VAV2: variants seen among roughly 807,000 people sequenced by gnomAD.
VAV2 encodes the protein guanine nucleotide exchange factor VAV2.
Under a neutral mutation model 132.5 loss-of-function variants are expected in VAV2, and 67 were observed. The observed-to-expected ratio is 0.51, with a 90% CI of 0.42 to 0.62. VAV2 has a LOEUF of 0.62. VAV2 is among the 20% of genes least tolerant of loss of function. The pLI, the probability that VAV2 is intolerant of heterozygous loss-of-function variation, is 0.00. For synonymous variants in VAV2, 492 were observed against 443.5 expected, an observed-to-expected ratio of 1.11 and a Z score of -1.37; for missense variants, 938 against 1,153.6, an observed-to-expected ratio of 0.81 and a Z score of 2.71.
Position 133,833,290 on chromosome 9 carries a change from A to G in VAV2, c.449+982T>C, listed in dbSNP as rs1481674216. On this transcript the variant is annotated intron_variant, in intron 4 of 29. Transcript: ENST00000371850. The surrounding 1 kb of genome is among the most constrained non-coding windows in gnomAD (Gnocchi z 5.6). ...CTGGATGTGGGCTGAGCAGTAAGAC[A>G]GGGACAGCCCCAGCATACACAGCAG... is the stretch of plus-strand genomic sequence containing the variant. Among the ~76,000 whole-genome samples, 1 of 152,174 alleles carries G rather than the reference A, an allele frequency of 6.6e-6. No homozygotes were observed. Among genetic ancestry groups the G allele is most frequent in the Non-Finnish European group, 1.5e-5 (1 of 68,022 alleles).
intron 1 of VAV2, among the ~76,000 whole-genome samples, chr9:133,971,968 T>C (rs1003045755): frequency 2.0e-5 from 3 of 152,154 alleles, no homozygotes; most frequent in Non-Finnish European, 2.9e-5. Context: ...GTGGACGGCA[T>C]GGCCCGGATT....
At chr9:133,809,177 C>T (rs1389883368) in intron 6 of VAV2, 39 bp from the exon 7 acceptor site, 4 of 1,578,104 alleles carry the variant, frequency 2.5e-6, no homozygotes, top group East Asian at 4.5e-5. Flanking sequence ...ACCCCATGGG[C>T]CCGGCCACCT....
intron 3 of VAV2, among the ~76,000 whole-genome samples, chr9:133,845,809 G>A (rs1319122527): frequency 6.6e-6 from 1 of 152,262 alleles, no homozygotes; most frequent in East Asian, 1.9e-4. Context: ...GCCCTGGTGA[G>A]ACAGGGATGC....
chr9:133,837,259 A>G (rs1216311802), intron 3 of VAV2, among the ~76,000 whole-genome samples: 2 of 152,188 alleles, frequency 1.3e-5, no homozygotes, highest in Non-Finnish European at 2.9e-5. Context: ...ATTCTCACTC[A>G]GGGCACTTTC....
chr9:133,782,354 G>A (rs1312575612), intron 19 of VAV2, among the ~76,000 whole-genome samples: 1 of 152,072 alleles, frequency 6.6e-6, no homozygotes, highest in Non-Finnish European at 1.5e-5. Flanking sequence ...AGTATTGATG[G>A]GCACAGCTGA....
chr9:133,845,788 T>C (rs745930705), intron 3 of VAV2, among the ~76,000 whole-genome samples: 11 of 152,246 alleles, frequency 7.2e-5, no homozygotes, highest in Non-Finnish European at 1.5e-4. Context: ...AGGTGGCTGA[T>C]GGATTTATCA....
intron 2 of VAV2, among the ~76,000 whole-genome samples, chr9:133,866,410 C>T (rs1034517587): frequency 2.6e-5 from 4 of 152,196 alleles, no homozygotes; most frequent in Non-Finnish European, 4.4e-5. Flanking sequence ...CCAAGCAAAA[C>T]AGCCGTCAAA....
chr9:133,950,708 G>A lies in VAV2; in HGVS notation c.205-11489C>T, dbSNP rs80104408. ...CTCTGAGCAATTAGCCCAGACGCAC[G>A]CCTGCGCCTCGGCCCTCCGGGTTGC... is the stretch of plus-strand genomic sequence containing the variant. On this transcript the variant is annotated intron_variant, in intron 1 of 29. Coordinates refer to ENST00000371850, the MANE Select transcript of VAV2 (RefSeq NM_001134398.2). Among the ~76,000 whole-genome samples, 535 of 152,248 alleles carry A rather than the reference G, an allele frequency of 3.5e-3. 3 individuals carry two copies. The highest frequency in any genetic ancestry group is 0.012 in the African/African-American group (519 of 41,540).
In VAV2 at chr9:133,776,013, C is replaced by T. The variant is rs776855614; in HGVS notation, c.2018+15G>A. 1.2e-6 allele frequency: 2 copies of T among 1,604,610 alleles called. No homozygotes were observed. Among genetic ancestry groups the T allele is most frequent in the Non-Finnish European group, 1.7e-6 (2 of 1,174,094 alleles). On this transcript the variant is annotated intron_variant, in intron 24 of 29. Coordinates refer to ENST00000371850, the MANE Select transcript of VAV2 (RefSeq NM_001134398.2). ...GCCACCAGATGCCCATGTCTGCAGC[C>T]CACGATCCACTCACCAGGGGTATGC...
At chr9:133,923,837 T>C (rs986999306) in intron 2 of VAV2, among the ~76,000 whole-genome samples, 1 of 152,194 alleles carries the variant, frequency 6.6e-6, no homozygotes, top group African/African-American at 2.4e-5. Context: ...TCATGTCCTT[T>C]GCAAGGACAT....
Position 133,806,181 on chromosome 9 carries a change from C to T in VAV2, c.736G>A (p.Asp246Asn), listed in dbSNP as rs530224752. 2 of 1,611,278 alleles carry T rather than the reference C, an allele frequency of 1.2e-6. No individual in the cohort carries two copies. The highest frequency in any genetic ancestry group is 2.2e-5 in the South Asian group (2 of 90,756). ...AAGCTGTGATGCACCTTGATCAGGT[C>T]CTGGGTTGAAAACCAGCCGTGAGTG... ...DMAAVFINLE[D>N]LIKVHHSFLR... Residue 246 changes from aspartate (D) to asparagine (N), a missense_variant and splice_region_variant, in exon 9 of 30, where the codon GAC becomes AAC. Physicochemically the swap from Asp to Asn is conservative, Grantham distance 23. Coordinates refer to ENST00000371850, the MANE Select transcript of VAV2 (RefSeq NM_001134398.2).
intron 2 of VAV2, among the ~76,000 whole-genome samples, chr9:133,882,524 C>T (rs1838539108): frequency 6.6e-6 from 1 of 152,036 alleles, no homozygotes; most frequent in Non-Finnish European, 1.5e-5. Context: ...GTGACCAGGG[C>T]CCTCAAAAGA....
intron 19 of VAV2, among the ~76,000 whole-genome samples, chr9:133,782,904 C>T (rs1280944839): frequency 6.6e-6 from 1 of 152,168 alleles, no homozygotes; most frequent in East Asian, 1.9e-4. Context: ...ATGCCCCCGA[C>T]CCAAGGTGCT....
intron 3 of VAV2, among the ~76,000 whole-genome samples, chr9:133,848,279 CAAAAAAA>C (rs34908811): frequency 0.11 from 5,295 of 48,668 alleles, 184 homozygotes; most frequent in South Asian, 0.16. Context: ...GACTCCGTCT[CAAAAAAA>C]AAAAAAAAAA....
chr9:133,883,099 AC>A lies in VAV2; in HGVS notation c.322-21668del, dbSNP rs1838565229. On this transcript the variant is annotated intron_variant, in intron 2 of 29. Transcript: ENST00000371850. This position sits in a 1 kb window ranked among gnomAD's most constrained non-coding sequence, Gnocchi z 4.2. ...CCCCAGGCTCCATCCCTATGTCCCC[AC>A]CCCCTGCTGCTCTCTCTGGATCCTT... Among the ~76,000 whole-genome samples, 1 of 151,298 alleles carries A rather than the reference AC, an allele frequency of 6.6e-6. No homozygotes were observed. The highest frequency in any genetic ancestry group is 1.9e-4 in the East Asian group (1 of 5,150).
chr9:133,852,047 T>C (rs56745684), intron 3 of VAV2, among the ~76,000 whole-genome samples: 2 of 150,138 alleles, frequency 1.3e-5, no homozygotes, highest in Admixed American at 6.6e-5. Context: ...TGGATGGATG[T>C]ATGGATGGAT....
At chr9:133,803,201 C>T (rs1835004276) in intron 9 of VAV2, among the ~76,000 whole-genome samples, 3 of 152,190 alleles carry the variant, frequency 2.0e-5, no homozygotes, top group African/African-American at 7.2e-5. Flanking sequence ...GCAGGGAGAT[C>T]CCACCCAGCC....
intron 1 of VAV2, among the ~76,000 whole-genome samples, chr9:133,954,117 C>T (rs185914362): frequency 4.7e-4 from 71 of 152,300 alleles, no homozygotes; most frequent in African/African-American, 1.5e-3. Flanking sequence ...GAAAGCACTG[C>T]GCCTGTCTGC....
chr9:133,872,537 T>C (rs954900266), intron 2 of VAV2, among the ~76,000 whole-genome samples: 7 of 152,154 alleles, frequency 4.6e-5, no homozygotes, highest in African/African-American at 1.7e-4. Flanking sequence ...CTAGGCCCAG[T>C]TCCCGACACC....
Sources: gnomAD v4.1 joint callset for allele counts (sites outside exome capture counted in the v4.1 genomes callset) on GRCh38, gnomAD v4.1.1 for gene constraint, Gnocchi (gnomAD v3.1) non-coding constraint, MANE v1.5 for transcripts, NCBI Gene and HGNC (gene_info 2026-07-23, HGNC 2026-07-21) for gene names.